The following SLC38A1 variants were observed in gnomAD, a reference collection of about 807,000 sequenced individuals.
SLC38A1 encodes the protein solute carrier family 38 member 1.
SLC38A1 carries 18 observed loss-of-function variants against 60.3 expected under a neutral mutation model. The ratio of observed to expected loss-of-function variants is 0.30; its 90% CI spans 0.21 to 0.44. The LOEUF (loss-of-function observed/expected upper bound fraction) is 0.44. SLC38A1 is among the 20% of genes least tolerant of loss of function. SLC38A1 has a pLI of 1.00. For missense variants in SLC38A1, 448 were observed against 587.2 expected (o/e 0.76, Z 2.45); for synonymous variants, 196 against 212.1 (o/e 0.92, Z 0.66).
At chr12:46,251,733 A>G (rs1420831437) in intron 1 of SLC38A1, among the ~76,000 whole-genome samples, 1 of 152,242 alleles carries the variant, frequency 6.6e-6, no homozygotes, top group African/African-American at 2.4e-5. Context: ...ACACATGGAA[A>G]AAATGCTCAT....
chr12:46,218,889 A>C (rs1346831399), intron 5 of SLC38A1, among the ~76,000 whole-genome samples: 1 of 151,996 alleles, frequency 6.6e-6, no homozygotes, highest in Non-Finnish European at 1.5e-5. Context: ...CAATGGCAGA[A>C]CTGGTTGGGC....
At chr12:46,210,810 G>C (rs1235522182) in intron 5 of SLC38A1, among the ~76,000 whole-genome samples, 1 of 152,172 alleles carries the variant, frequency 6.6e-6, no homozygotes, top group Non-Finnish European at 1.5e-5. Context: ...CCCCAGCCAC[G>C]TGGAACTGTG....
At position 46,184,090 on chromosome 12, in the gene SLC38A1, C is replaced by G. The variant is rs1938857543; in HGVS notation, c.*4880G>C. The G allele has an allele frequency of 6.6e-6, 1 of 152,592 alleles. No individual in the cohort carries two copies. The highest frequency in any genetic ancestry group is 2.4e-5 in the African/African-American group (1 of 41,434). The allele number at this position is 152,592 out of a possible 1,614,324, so 9.5% of individuals were successfully genotyped here. A position where few individuals can be genotyped will look rare whatever the true frequency, so the allele number is the denominator to read the frequency against. On this transcript the variant is annotated 3_prime_UTR_variant, in exon 17 of 17. Transcript: ENST00000398637. Reference sequence around the variant, plus strand: ...AAAAACGTAAATTTGAGCCTGTATACAGATGGGCCCAGTTTCATAGCCCTT... The same window carrying G: ...AAAAACGTAAATTTGAGCCTGTATAGAGATGGGCCCAGTTTCATAGCCCTT...
intron 3 of SLC38A1, among the ~76,000 whole-genome samples, chr12:46,231,242 C>T (rs1000482116): frequency 7.9e-5 from 12 of 152,068 alleles, no homozygotes; most frequent in Admixed American, 1.3e-4. Context: ...AGCTAAACAA[C>T]GGGTACACGT....
chr12:46,200,874 G>A (rs1325094474), intron 13 of SLC38A1, among the ~76,000 whole-genome samples: 1 of 152,118 alleles, frequency 6.6e-6, no homozygotes, highest in African/African-American at 2.4e-5. Context: ...TAAGGACACT[G>A]TTAGGAGAAA....
chr12:46,224,023 C>A (rs1304820242), intron 5 of SLC38A1, among the ~76,000 whole-genome samples: 1 of 152,138 alleles, frequency 6.6e-6, no homozygotes, highest in African/African-American at 2.4e-5. Context: ...ACAAAACCCA[C>A]CATTCTTCCA....
At chr12:46,202,393 T>C (rs1939703251) in intron 12 of SLC38A1, among the ~76,000 whole-genome samples, 1 of 152,202 alleles carries the variant, frequency 6.6e-6, no homozygotes, top group Non-Finnish European at 1.5e-5. Flanking sequence ...CTATTGTGAC[T>C]ATTTTTGTTT....
In SLC38A1 at chr12:46,230,817, T is replaced by TG. The variant is rs1447131051; in HGVS notation, c.123-1179dup. On this transcript the variant is annotated intron_variant, in intron 3 of 16. Transcript: ENST00000398637. ...CCAACAGCAGATGTTGGCGAGGATG[T>TG]GGAAAAAAAGGAATGCTTATACACC... Among the ~76,000 whole-genome samples the TG allele has an allele frequency of 3.3e-5, 5 of 152,162 alleles. No homozygotes were observed. The East Asian group carries it at 9.7e-4, about 29-fold the overall frequency.
intron 13 of SLC38A1, among the ~76,000 whole-genome samples, chr12:46,200,370 C>CATAT (rs559996976): frequency 6.7e-6 from 1 of 149,494 alleles, no homozygotes; most frequent in South Asian, 2.1e-4. Flanking sequence ...GAAATACATA[C>CATAT]ATATATATAT....
chr12:46,198,631 A>G lies in SLC38A1; in HGVS notation c.1116T>C (p.Phe372=). 6.2e-7 allele frequency: 1 copy of G among 1,605,182 alleles called. No individual in the cohort carries two copies. The highest frequency in any genetic ancestry group is 1.7e-4 in the Middle Eastern group (1 of 6,022). ...VAVILTVPVL[F]FTVRSSLFEL... ...CACAGAGGCCCTTACTCACCGTGAA[A>G]AATAACACCGGCACTGTGAGGATCA... The change falls in exon 14 of 17, where the codon TTT becomes TTC. Residue 372 remains phenylalanine, a synonymous_variant. Coordinates refer to ENST00000398637, the MANE Select transcript of SLC38A1 (RefSeq NM_030674.4).
intron 13 of SLC38A1, 50 bp downstream of exon 13, chr12:46,201,048 C>T: frequency 7.7e-7 from 1 of 1,293,588 alleles, no homozygotes. Flanking sequence ...CTAATTTTTA[C>T]TAATTTGTTT....
chr12:46,262,006 C>T (rs1942212257), intron 1 of SLC38A1, among the ~76,000 whole-genome samples: 1 of 152,152 alleles, frequency 6.6e-6, no homozygotes, highest in Non-Finnish European at 1.5e-5. Context: ...TGTCTGGCCC[C>T]AAATGCCAGT....
intron 1 of SLC38A1, among the ~76,000 whole-genome samples, chr12:46,262,546 C>T (rs1297957926): frequency 6.6e-6 from 1 of 152,016 alleles, no homozygotes; most frequent in Non-Finnish European, 1.5e-5. Flanking sequence ...ATATTTCAGC[C>T]CTTGAGAAAA....
At chr12:46,233,597 C>T (rs922125547) in intron 3 of SLC38A1, among the ~76,000 whole-genome samples, 1 of 152,146 alleles carries the variant, frequency 6.6e-6, no homozygotes, top group African/African-American at 2.4e-5. Context: ...CATGAGGGGG[C>T]ATTCAGCCAG....
intron 6 of SLC38A1, among the ~76,000 whole-genome samples, chr12:46,208,132 C>T (rs1389583525): frequency 3.3e-5 from 5 of 152,136 alleles, no homozygotes; most frequent in African/African-American, 7.2e-5. Context: ...TTAATAGCCA[C>T]GACATACAAA....
chr12:46,218,302 C>T (rs1940504102), intron 5 of SLC38A1, among the ~76,000 whole-genome samples: 1 of 151,954 alleles, frequency 6.6e-6, no homozygotes, highest in Non-Finnish European at 1.5e-5. Flanking sequence ...AACCTAGATC[C>T]CTACTCTTTA....
At chr12:46,267,315 G>A (rs903502278) in intron 1 of SLC38A1, 10 of 152,238 alleles carry the variant, frequency 6.6e-5, no homozygotes. Context: ...CGGCAGTTAG[G>A]TTTCTAACAG....
chr12:46,206,714 T>G (rs1939921074), intron 8 of SLC38A1, among the ~76,000 whole-genome samples: 1 of 152,208 alleles, frequency 6.6e-6, no homozygotes, highest in African/African-American at 2.4e-5. Context: ...GTGCCAAATG[T>G]AGCTGCAACA....
At chr12:46,238,170 C>G (rs951107387) in intron 3 of SLC38A1, among the ~76,000 whole-genome samples, 32 of 151,508 alleles carry the variant, frequency 2.1e-4, no homozygotes, top group Non-Finnish European at 3.1e-4. Context: ...AAATACCTGG[C>G]ACTCAAGAAA....
Sources: gnomAD v4.1 joint callset for allele counts (sites outside exome capture counted in the v4.1 genomes callset) on GRCh38, gnomAD v4.1.1 for gene constraint, MANE v1.5 for transcripts, NCBI Gene and HGNC (gene_info 2026-07-23, HGNC 2026-07-21) for gene names.